The following PTPRD variants were observed in gnomAD, a reference collection of about 807,000 sequenced individuals.
The protein encoded by PTPRD is receptor-type tyrosine-protein phosphatase delta.
A neutral mutation model predicts 214.5 loss-of-function variants in PTPRD; 34 were observed. The observed-to-expected ratio is 0.16, with a 90% CI of 0.12 to 0.21. PTPRD has a LOEUF of 0.21. Among genes scored for constraint, PTPRD ranks in the 10% least tolerant of loss-of-function variants. The pLI is 1.00. For synonymous variants in PTPRD, 1,128 were observed against 845.7 expected (o/e 1.33, Z -5.79); for missense variants, 2,545 against 2,398.7 (o/e 1.06, Z -1.27).
chr9:8,930,503 TA>T (rs1410645123), intron 11 of PTPRD, among the ~76,000 whole-genome samples: 1 of 152,118 alleles, frequency 6.6e-6, no homozygotes, highest in Non-Finnish European at 1.5e-5. Flanking sequence ...GGTCAAATGG[TA>T]TTTCTAGTTC....
intron 3 of PTPRD, among the ~76,000 whole-genome samples, chr9:10,285,323 T>C (rs936492514): frequency 1.3e-5 from 2 of 152,196 alleles, no homozygotes; most frequent in Admixed American, 6.5e-5. Context: ...CTGCATTTTT[T>C]ATTTATTTTT....
intron 9 of PTPRD, among the ~76,000 whole-genome samples, chr9:9,356,986 G>T (rs1378413409): frequency 6.6e-6 from 1 of 151,330 alleles, no homozygotes; most frequent in Non-Finnish European, 1.5e-5. Context: ...CGGGTATAAA[G>T]CATCCAAGGG....
intron 39 of PTPRD, among the ~76,000 whole-genome samples, chr9:8,353,924 ATATGTGTG>A (rs1564202110): frequency 6.6e-5 from 9 of 135,738 alleles, no homozygotes; most frequent in African/African-American, 2.3e-4. Flanking sequence ...ATATGTATAT[ATATGTGTG>A]TGTACATATA....
chr9:8,544,163 A>ATTTTTT (rs1187310491), intron 14 of PTPRD, among the ~76,000 whole-genome samples: 3 of 106,590 alleles, frequency 2.8e-5, no homozygotes, highest in South Asian at 3.0e-4. Context: ...TTTTGCCATT[A>ATTTTTT]CTTTTTTTTT....
At chr9:9,379,353 G>A (rs997082935) in intron 9 of PTPRD, among the ~76,000 whole-genome samples, 1 of 151,436 alleles carries the variant, frequency 6.6e-6, no homozygotes, top group African/African-American at 2.4e-5. Flanking sequence ...TTGTATTTAT[G>A]TGGGTCTATT....
intron 3 of PTPRD, among the ~76,000 whole-genome samples, chr9:10,281,425 C>A (rs932786193): frequency 6.7e-6 from 1 of 150,210 alleles, no homozygotes; most frequent in African/African-American, 2.5e-5. Flanking sequence ...TCTATTCATG[C>A]TTTGCTTTAT....
intron 3 of PTPRD, among the ~76,000 whole-genome samples, chr9:10,236,648 C>A (rs1246631358): frequency 2.6e-5 from 4 of 151,834 alleles, no homozygotes; most frequent in Non-Finnish European, 5.9e-5. Context: ...CAAAACCTAA[C>A]ACCTGGAAAC....
intron 7 of PTPRD, among the ~76,000 whole-genome samples, chr9:9,575,839 G>A (rs2088520688): frequency 6.7e-6 from 1 of 150,020 alleles, no homozygotes; most frequent in Non-Finnish European, 1.5e-5. Flanking sequence ...TTTTGGTGCA[G>A]TGGTAACTTT....
chr9:9,268,897 T>C lies in PTPRD; in HGVS notation c.-202-85534A>G, dbSNP rs143332589. Among the ~76,000 whole-genome samples the C allele has an allele frequency of 3.3e-3, 479 of 146,196 alleles. 3 individuals carry two copies. The highest frequency in any genetic ancestry group is 0.011 in the African/African-American group (445 of 39,836). On this transcript the variant is annotated intron_variant, in intron 9 of 45. Transcript: ENST00000381196. ...ATTAAAGACATAATACCTAAAGCCA[T>C]AGAATTCCAGAAGAAAACATAGAAG...
At chr9:10,598,288 A>T (rs151191598) in intron 2 of PTPRD, among the ~76,000 whole-genome samples, 1,588 of 151,920 alleles carry the variant, frequency 0.01, 31 homozygotes, top group African/African-American at 0.035. Flanking sequence ...GCTCGAAGTA[A>T]ACATTTCTTC....
rs2096030637 is a variant in PTPRD at position 8,626,268 on chromosome 9, C to A, written c.352+7049G>T. 2.0e-5 allele frequency among the ~76,000 whole-genome samples: 3 copies of A among 151,806 alleles called. No individual in the cohort carries two copies. In the South Asian group the frequency reaches 6.2e-4, roughly 31 times the overall value. ...GTATGAATGACTGTTTGATAGATTA[C>A]TTTAAGTGAAGTATTTTAGTAAACT... is the stretch of plus-strand genomic sequence containing the variant. On this transcript the variant is annotated intron_variant, in intron 14 of 45. Coordinates refer to ENST00000381196, the MANE Select transcript of PTPRD (RefSeq NM_002839.4).
At chr9:8,750,065 G>A (rs942860156) in intron 11 of PTPRD, among the ~76,000 whole-genome samples, 2 of 151,298 alleles carry the variant, frequency 1.3e-5, no homozygotes, top group Admixed American at 6.6e-5. Flanking sequence ...TCGCGCCACT[G>A]CACTCCAGCC....
At chr9:8,331,492 T>G (rs2131620521) in intron 44 of PTPRD, 90 bp downstream of exon 44, 1 of 1,455,236 alleles carries the variant, frequency 6.9e-7, no homozygotes, top group Non-Finnish European at 9.3e-7. Context: ...GAATAAAATT[T>G]CAAATAAGCA....
chr9:10,145,809 A>C (rs2099018405), intron 3 of PTPRD, among the ~76,000 whole-genome samples: 1 of 152,162 alleles, frequency 6.6e-6, no homozygotes, highest in Non-Finnish European at 1.5e-5. Context: ...GCTTTACTTT[A>C]CATAAAATAT....
chr9:10,431,433 G>A (rs942478650), intron 2 of PTPRD, among the ~76,000 whole-genome samples: 22 of 152,126 alleles, frequency 1.4e-4, no homozygotes, highest in South Asian at 1.0e-3. Flanking sequence ...AAATTGACAA[G>A]TGGGATCTAA....
intron 5 of PTPRD, among the ~76,000 whole-genome samples, chr9:9,918,368 A>C (rs916673880): frequency 2.1e-5 from 3 of 145,312 alleles, no homozygotes; most frequent in African/African-American, 5.1e-5. Context: ...AAAAAAAAAA[A>C]AACTCCACAA....
At position 8,341,278 on chromosome 9, in the gene PTPRD, A is replaced by AG. The variant is rs756458131; in HGVS notation, c.4948-11dup. On this transcript the variant is annotated splice_polypyrimidine_tract_variant and intron_variant, in intron 40 of 45. Coordinates refer to ENST00000381196, the MANE Select transcript of PTPRD (RefSeq NM_002839.4). ...TTGAGCTGGCTAGACGCTGTTGAAT[A>AG]GGAAAAAAAAAAAAGGAAAAACCCA... is the stretch of plus-strand genomic sequence containing the variant. 3.9e-6 allele frequency: 6 copies of AG among 1,558,056 alleles called. No individual in the cohort carries two copies. The highest frequency in any genetic ancestry group is 5.2e-6 in the Non-Finnish European group (6 of 1,156,962).
rs2095487556 is a variant in PTPRD at position 9,628,393 on chromosome 9, T to C, written c.-286-53612A>G. ...CCAGGTTCCCTTTTTTGTTCCCCCT[T>C]TCTGCTGGCATCTTTGATATCTCCC... On this transcript the variant is annotated intron_variant, in intron 7 of 45. Coordinates refer to ENST00000381196, the MANE Select transcript of PTPRD (RefSeq NM_002839.4). Among the ~76,000 whole-genome samples the C allele has an allele frequency of 2.0e-5, 3 of 152,270 alleles. No homozygotes were observed. In the South Asian group the frequency reaches 6.2e-4, roughly 32 times the overall value.
chr9:8,801,758 G>T (rs1256361636), intron 11 of PTPRD, among the ~76,000 whole-genome samples: 1 of 152,130 alleles, frequency 6.6e-6, no homozygotes, highest in East Asian at 1.9e-4. Flanking sequence ...AAGTGTACAG[G>T]AGTGTTACCC....
Sources: gnomAD v4.1 joint callset for allele counts (sites outside exome capture counted in the v4.1 genomes callset) on GRCh38, gnomAD v4.1.1 for gene constraint, MANE v1.5 for transcripts, NCBI Gene and HGNC (gene_info 2026-07-23, HGNC 2026-07-21) for gene names.